RANBP2: variants seen among roughly 807,000 people sequenced by gnomAD.
RANBP2 encodes the protein RAN binding protein 2, also known as E3 SUMO-protein ligase RanBP2.
In RANBP2, 57 loss-of-function variants were observed where a neutral mutation model predicts 303.6. That is an observed-to-expected ratio of 0.19 (90% CI 0.15 to 0.23). RANBP2 has a LOEUF of 0.23. RANBP2 is among the 10% of genes least tolerant of loss of function. The probability of loss-of-function intolerance (pLI) is 1.00; values close to 1 mark genes in which losing one functional copy is unlikely to be tolerated. For synonymous variants in RANBP2, 1,167 were observed against 1,301.5 expected (o/e 0.90, Z 2.23); for missense variants, 3,138 against 3,780.8 (o/e 0.83, Z 4.46).
At chr2:108,910,141 C>A in the RANBP2 span, among the ~76,000 whole-genome samples, 21 of 152,202 alleles carry the variant, frequency 1.4e-4, no homozygotes, top group Non-Finnish European at 2.4e-4. Flanking sequence ...AGGCATGCAT[C>A]CTTGGCTTTA....
the RANBP2 span, among the ~76,000 whole-genome samples, chr2:109,117,177 A>T: frequency 6.6e-6 from 1 of 152,220 alleles, no homozygotes; most frequent in Non-Finnish European, 1.5e-5. Context: ...TCAGACAGGG[A>T]CATTTAAGTC....
intron 25 of RANBP2, 108 bp downstream of exon 25, chr2:108,777,339 AC>A (rs1235913247): frequency 1.9e-6 from 1 of 518,402 alleles, no homozygotes; most frequent in Non-Finnish European, 3.1e-6. Context: ...TTCTTCCCTT[AC>A]CCCCCAGTTT....
the RANBP2 span, among the ~76,000 whole-genome samples, chr2:109,630,557 G>A: frequency 1.3e-5 from 2 of 152,148 alleles, no homozygotes; most frequent in Non-Finnish European, 2.9e-5. Flanking sequence ...TCCACCTCCT[G>A]GCCACCCTGG....
At chr2:108,950,629 G>A in the RANBP2 span, among the ~76,000 whole-genome samples, 7 of 152,182 alleles carry the variant, frequency 4.6e-5, no homozygotes, top group East Asian at 1.9e-4. Context: ...CATTCTGGAC[G>A]TGACACACAG....
chr2:109,453,944 G>A, the RANBP2 span, among the ~76,000 whole-genome samples: 1 of 152,200 alleles, frequency 6.6e-6, no homozygotes, highest in Admixed American at 6.5e-5. Context: ...GAGGTAGCAG[G>A]CAGCCCTGGG....
chr2:109,199,155 C>G, the RANBP2 span, among the ~76,000 whole-genome samples: 1 of 151,652 alleles, frequency 6.6e-6, no homozygotes, highest in Non-Finnish European at 1.5e-5. Flanking sequence ...GTCAGGAGAT[C>G]GAGACCATCC....
chr2:109,460,598 A>G, the RANBP2 span, among the ~76,000 whole-genome samples: 4 of 152,222 alleles, frequency 2.6e-5, no homozygotes, highest in Non-Finnish European at 5.9e-5. Flanking sequence ...CTGTGGAATT[A>G]CTAAAGTCCT....
At chr2:109,150,702 C>T in the RANBP2 span, among the ~76,000 whole-genome samples, 2 of 151,912 alleles carry the variant, frequency 1.3e-5, no homozygotes, top group South Asian at 2.1e-4. Flanking sequence ...GGGATTGGTG[C>T]GATGAGCCTC....
At chr2:108,735,499 C>T in intron 4 of RANBP2, 33 bp from the exon 5 acceptor site, 2 of 1,596,970 alleles carry the variant, frequency 1.3e-6, no homozygotes, top group South Asian at 1.1e-5. Flanking sequence ...ACAAGTGTTA[C>T]TCTAATAATT....
the RANBP2 span, among the ~76,000 whole-genome samples, chr2:108,853,900 T>C: frequency 8.4e-6 from 1 of 119,074 alleles, no homozygotes; most frequent in Admixed American, 1.1e-4. Flanking sequence ...AGTATATATA[T>C]TATATATTAT....
the RANBP2 span, among the ~76,000 whole-genome samples, chr2:109,742,437 A>AAAACAAACAAAC: frequency 2.1e-5 from 3 of 144,880 alleles, no homozygotes; most frequent in African/African-American, 8.0e-5. Context: ...AACAAAAACA[A>AAAACAAACAAAC]AAACAAACAA....
chr2:108,873,921 T>A, the RANBP2 span, among the ~76,000 whole-genome samples: 1 of 152,074 alleles, frequency 6.6e-6, no homozygotes, highest in African/African-American at 2.4e-5. Context: ...TAAAAAAAAA[T>A]TTCCATTATA....
intron 8 of RANBP2, among the ~76,000 whole-genome samples, chr2:108,747,153 A>G (rs997380207): frequency 1.7e-4 from 26 of 152,242 alleles, no homozygotes; most frequent in African/African-American, 6.3e-4. Context: ...GGGGATATAA[A>G]GATGAAGAAG....
At chr2:109,425,061 G>A in the RANBP2 span, among the ~76,000 whole-genome samples, 160 of 152,358 alleles carry the variant, frequency 1.1e-3, 2 homozygotes, top group Admixed American at 3.5e-3. Flanking sequence ...AAGTGAAACA[G>A]CCTAATTGCT....
intron 7 of RANBP2, among the ~76,000 whole-genome samples, chr2:108,742,364 C>T (rs1290708300): frequency 3.3e-5 from 5 of 151,974 alleles, no homozygotes; most frequent in East Asian, 1.9e-4. Flanking sequence ...AGTGCAGTGG[C>T]GCAATCTCAG....
At chr2:108,998,938 T>G in the RANBP2 span, among the ~76,000 whole-genome samples, 1 of 152,220 alleles carries the variant, frequency 6.6e-6, no homozygotes, top group Non-Finnish European at 1.5e-5. Context: ...CTAGCCTCAC[T>G]GTCCCCAAGC....
the RANBP2 span, among the ~76,000 whole-genome samples, chr2:109,419,147 G>A: frequency 3.3e-5 from 5 of 152,198 alleles, no homozygotes; most frequent in Non-Finnish European, 5.9e-5. Context: ...TCCTGGGGAC[G>A]CTCTTTTTAA....
At chr2:109,585,877 A>G in the RANBP2 span, 1 of 1,542,400 alleles carries the variant, frequency 6.5e-7, no homozygotes, top group Non-Finnish European at 8.9e-7. Context: ...GCAATAAAAA[A>G]AACAACTTTG....
chr2:109,286,236 C>T, the RANBP2 span, among the ~76,000 whole-genome samples: 1 of 152,198 alleles, frequency 6.6e-6, no homozygotes, highest in African/African-American at 2.4e-5. Flanking sequence ...TTCTGTTTCT[C>T]TGAGGGAGGT....
Sources: allele counts gnomAD v4.1 joint callset (sites outside exome capture counted in the v4.1 genomes callset), GRCh38; gene constraint gnomAD v4.1.1; transcripts MANE v1.5; gene names NCBI Gene and HGNC (gene_info 2026-07-23, HGNC 2026-07-21).